Variants in MLLT10 observed in about 807,000 individuals in gnomAD.
MLLT10 encodes the protein protein AF-10.
MLLT10 carries 30 observed loss-of-function variants against 129.1 expected under a neutral mutation model. That is an observed-to-expected ratio of 0.23 (90% CI 0.17 to 0.32). MLLT10 has a LOEUF of 0.32. Among genes scored for constraint, MLLT10 ranks in the 10% least tolerant of loss-of-function variants. The pLI, the probability that MLLT10 is intolerant of heterozygous loss-of-function variation, is 1.00. For missense variants in MLLT10, 1,119 were observed against 1,268.3 expected (o/e 0.88, Z 1.79); for synonymous variants, 490 against 446.4 (o/e 1.10, Z -1.23).
At chr10:21,586,851 C>T (rs1479088732) in intron 4 of MLLT10, among the ~76,000 whole-genome samples, 1 of 151,598 alleles carries the variant, frequency 6.6e-6, no homozygotes, top group Non-Finnish European at 1.5e-5. Context: ...TATACCATTG[C>T]CCATTAGCCT....
At position 21,673,553 on chromosome 10, in the gene MLLT10, G is replaced by A; in HGVS notation, c.1255G>A (p.Gly419Ser). 1.9e-6 allele frequency: 3 copies of A among 1,613,090 alleles called. No individual in the cohort carries two copies. The highest frequency in any genetic ancestry group is 2.5e-6 in the Non-Finnish European group (3 of 1,179,714). The part of the protein sequence containing the change: ...GGVNSFSTLI[G>S]LPSTSAVTSQ... ...GGTAAATAGTTTTAGTACCTTAATT[G>A]GCCTCCCTTCAACCTCAGCTGTTAC... Residue 419 changes from glycine to serine, a missense_variant, in exon 11 of 23, where the codon GGC (glycine) becomes AGC (serine). Transcript: ENST00000307729.
At chr10:21,550,554 C>T (rs931154567) in intron 3 of MLLT10, among the ~76,000 whole-genome samples, 8 of 152,156 alleles carry the variant, frequency 5.3e-5, no homozygotes, top group Non-Finnish European at 7.3e-5. Context: ...GTTTTTGAGA[C>T]AGGGTCTTGC....
intron 8 of MLLT10, among the ~76,000 whole-genome samples, chr10:21,633,439 T>C (rs913249318): frequency 2.0e-5 from 3 of 152,224 alleles, no homozygotes; most frequent in African/African-American, 4.8e-5. Context: ...GCATAGTGGC[T>C]TATGCATGTA....
chr10:21,610,206 G>A (rs749343666), intron 5 of MLLT10, among the ~76,000 whole-genome samples: 55 of 152,304 alleles, frequency 3.6e-4, no homozygotes, highest in Non-Finnish European at 5.7e-4. Flanking sequence ...AAAAGCTGGG[G>A]CAGGGATGAT....
At chr10:21,712,522 A>C (rs528827855) in intron 13 of MLLT10, among the ~76,000 whole-genome samples, 9 of 152,134 alleles carry the variant, frequency 5.9e-5, no homozygotes, top group South Asian at 2.1e-4. Flanking sequence ...TTATTTATTT[A>C]TTTCTTTTTT....
At chr10:21,604,791 T>G (rs922834905) in intron 5 of MLLT10, among the ~76,000 whole-genome samples, 2 of 152,004 alleles carry the variant, frequency 1.3e-5, no homozygotes, top group Non-Finnish European at 2.9e-5. Flanking sequence ...TAGTTCTCTG[T>G]GGCTTGATAT....
At chr10:21,630,790 A>G (rs1201859887) in intron 8 of MLLT10, among the ~76,000 whole-genome samples, 1 of 152,226 alleles carries the variant, frequency 6.6e-6, no homozygotes, top group African/African-American at 2.4e-5. Context: ...AAGTACAGTA[A>G]GATCTTAGAC....
chr10:21,715,922 T>C (rs574691364), intron 14 of MLLT10, among the ~76,000 whole-genome samples: 35 of 152,214 alleles, frequency 2.3e-4, no homozygotes, highest in Non-Finnish European at 2.9e-4. Context: ...GATACCTACA[T>C]CTATGTTTCT....
At chr10:21,694,942 C>T (rs1165750927) in intron 13 of MLLT10, among the ~76,000 whole-genome samples, 4 of 152,032 alleles carry the variant, frequency 2.6e-5, no homozygotes, top group Non-Finnish European at 4.4e-5. Flanking sequence ...CATGCCCCTG[C>T]GTCTTCAAGC....
At chr10:21,617,400 A>G (rs2045369956) in intron 8 of MLLT10, among the ~76,000 whole-genome samples, 193 bp downstream of exon 8, 1 of 152,192 alleles carries the variant, frequency 6.6e-6, no homozygotes, top group Non-Finnish European at 1.5e-5. Flanking sequence ...TACCCATTGC[A>G]ACTGAACATT....
intron 3 of MLLT10, among the ~76,000 whole-genome samples, chr10:21,572,627 TC>T (rs2040330667): frequency 6.6e-6 from 1 of 152,062 alleles, no homozygotes; most frequent in East Asian, 1.9e-4. Flanking sequence ...TTTTTTTTTT[TC>T]CTGTTTTTTT....
At chr10:21,705,926 A>G (rs1589739043) in intron 13 of MLLT10, among the ~76,000 whole-genome samples, 1 of 152,308 alleles carries the variant, frequency 6.6e-6, no homozygotes, top group East Asian at 1.9e-4. Flanking sequence ...TCCCATGGCT[A>G]GGATTGCAGA....
chr10:21,726,268 C>T lies in MLLT10; in HGVS notation c.1903C>T (p.Leu635Phe), dbSNP rs1220079829. The change falls in exon 15 of 23, where the codon CTC (leucine) becomes TTC (phenylalanine). Residue 635 changes from leucine (L) to phenylalanine (F), a missense_variant. Around this residue, in one of 5 missense-constraint regions of MLLT10, gnomAD observed 1,004 missense variants for 1,008.7 expected, o/e 1.00. Coordinates refer to ENST00000307729, the MANE Select transcript of MLLT10 (RefSeq NM_001195626.3). ...GGCAAATACTCTATCTGGATCTTCT[C>T]TCAGTCAGGCACCATCTCATATGTA... Reference protein sequence around the residue: ...TQANTLSGSSLSQAPSHMYGN... With the variant: ...TQANTLSGSSFSQAPSHMYGN... 4 of 1,611,304 alleles carry T rather than the reference C, an allele frequency of 2.5e-6. No individual in the cohort carries two copies. Among genetic ancestry groups the T allele is most frequent in the Non-Finnish European group, 3.4e-6 (4 of 1,178,108 alleles).
chr10:21,592,813 A>T (rs1426018219), intron 4 of MLLT10, among the ~76,000 whole-genome samples: 1 of 151,916 alleles, frequency 6.6e-6, no homozygotes, highest in Non-Finnish European at 1.5e-5. Context: ...ATTTACTCTG[A>T]TTTATAGTGG....
chr10:21,654,718 G>A (rs141415259), intron 9 of MLLT10, among the ~76,000 whole-genome samples: 66 of 152,270 alleles, frequency 4.3e-4, no homozygotes, highest in Admixed American at 7.2e-4. Flanking sequence ...AGTAGGGTTT[G>A]GTCAGGTTGT....
At chr10:21,562,960 C>G (rs1485318915) in intron 3 of MLLT10, among the ~76,000 whole-genome samples, 1 of 151,632 alleles carries the variant, frequency 6.6e-6, no homozygotes, top group Non-Finnish European at 1.5e-5. Flanking sequence ...GCTGGGATTA[C>G]AGGCATGTGC....
intron 3 of MLLT10, among the ~76,000 whole-genome samples, chr10:21,575,356 C>G (rs2131050013): frequency 6.6e-6 from 1 of 152,156 alleles, no homozygotes; most frequent in East Asian, 1.9e-4. Context: ...GCTGCCATGC[C>G]CAGCTAATTT....
At chr10:21,535,058 T>A (rs961542997) in intron 2 of MLLT10, among the ~76,000 whole-genome samples, 3 of 141,548 alleles carry the variant, frequency 2.1e-5, no homozygotes, top group African/African-American at 7.7e-5. Context: ...GGCCGGGGTC[T>A]GCTGACTCGG....
intron 6 of MLLT10, 112 bp downstream of exon 6, chr10:21,612,563 A>G (rs2044759289): frequency 5.5e-6 from 3 of 545,866 alleles, no homozygotes; most frequent in South Asian, 3.5e-5. Flanking sequence ...CTTTATTGGT[A>G]TAGTTTCTAT....
Sources: allele counts gnomAD v4.1 joint callset (sites outside exome capture counted in the v4.1 genomes callset), GRCh38; gene constraint gnomAD v4.1.1; regional missense constraint gnomAD v4.1.1; transcripts MANE v1.5; gene names NCBI Gene and HGNC (gene_info 2026-07-23, HGNC 2026-07-21).